The following AS3MT variants were observed in gnomAD, a reference collection of about 807,000 sequenced individuals.
AS3MT encodes S-adenosyl-L-methionine:arsenic(III) methyltransferase.
A neutral mutation model predicts 45.3 loss-of-function variants in AS3MT; 47 were observed. The ratio of observed to expected loss-of-function variants is 1.04; its 90% CI spans 0.82 to 1.32. The LOEUF (loss-of-function observed/expected upper bound fraction) is 1.32, where lower values mean the gene tolerates loss of function less well. AS3MT is among the 40% of genes most tolerant of loss of function. AS3MT has a pLI of 0.00. For synonymous variants in AS3MT, 141 were observed against 152.8 expected, an observed-to-expected ratio of 0.92 and a Z score of 0.57; for missense variants, 396 against 451.1, an observed-to-expected ratio of 0.88 and a Z score of 1.11.
chr10:102,888,711 A>G (rs1384598810), intron 9 of AS3MT, among the ~76,000 whole-genome samples: 2 of 149,702 alleles, frequency 1.3e-5, no homozygotes, highest in Non-Finnish European at 3.0e-5. Flanking sequence ...ATGAGCCACC[A>G]CACCTGGCCC....
chr10:102,890,021 C>A lies in AS3MT; in HGVS notation c.886-523C>A, dbSNP rs192839629. On this transcript the variant is annotated intron_variant, in intron 9 of 10. Coordinates refer to ENST00000369880, the MANE Select transcript of AS3MT (RefSeq NM_020682.4). The stretch of plus-strand genomic sequence containing the variant: ...TTTTTTTTTTTTTTTGAGACGGAGT[C>A]TCGCTCTGTTGCCCAGGCTGGAGTG... 3.2e-3 allele frequency among the ~76,000 whole-genome samples: 441 copies of A among 136,228 alleles called. 7 individuals carry two copies. Among genetic ancestry groups the A allele is most frequent in the Non-Finnish European group, 3.4e-3 (221 of 64,788 alleles). The allele number at this position is 136,228 out of a possible 152,430, so 89.4% of individuals were successfully genotyped here.
rs556312757 is a variant in AS3MT at position 102,877,790 on chromosome 10, T to C, written c.611-589T>C. 2.7e-5 allele frequency among the ~76,000 whole-genome samples: 4 copies of C among 146,588 alleles called. No homozygotes were observed. The South Asian group carries it at 8.8e-4, about 32-fold the overall frequency. On this transcript the variant is annotated intron_variant, in intron 7 of 10. Coordinates refer to ENST00000369880, the MANE Select transcript of AS3MT (RefSeq NM_020682.4). The stretch of plus-strand genomic sequence containing the variant: ...TTTTTTGAGATGGAGTCTCGCTCTG[T>C]CACCCAGGCTAGAGTGCAGTGGCGC...
rs1283609623 is a variant in AS3MT, at chr10:102,900,659, G to A, written c.1087G>A (p.Asp363Asn). 3 of 1,614,136 alleles carry A rather than the reference G, an allele frequency of 1.9e-6. No homozygotes were observed. Among genetic ancestry groups the A allele is most frequent in the Non-Finnish European group, 8.5e-7 (1 of 1,180,004 alleles). The change falls in exon 11 of 11, where the codon GAT (aspartate) becomes AAT (asparagine). Residue 363 changes from aspartate to asparagine, a missense_variant. Asp to Asn is a conservative substitution (Grantham distance 23). Coordinates refer to ENST00000369880, the MANE Select transcript of AS3MT (RefSeq NM_020682.4). ...CAGTATGAAGTCCAGATGTGTCCCTGATGCTGCTGGAGGCTGCTGTGGCAC... is the reference window on the plus strand; with the variant it reads ...CAGTATGAAGTCCAGATGTGTCCCTAATGCTGCTGGAGGCTGCTGTGGCAC... ...SDSMKSRCVP[D>N]AAGGCCGTKK... is the part of the protein sequence containing the mutation.
chr10:102,901,586 G>A lies in AS3MT; in HGVS notation c.*886G>A, dbSNP rs1394055906. ...TTTCTATTTCCTACTTCAAAGTTCT[G>A]GTGCCACATAGTGGTCAGAAATGGA... On this transcript the variant is annotated 3_prime_UTR_variant, in exon 11 of 11. Coordinates refer to ENST00000369880, the MANE Select transcript of AS3MT (RefSeq NM_020682.4). 6.6e-6 allele frequency: 1 copy of A among 152,084 alleles called. No homozygotes were observed. Among genetic ancestry groups the A allele is most frequent in the Non-Finnish European group, 1.5e-5 (1 of 68,036 alleles). The allele number at this position is 152,084 out of a possible 1,614,324, so 9.4% of individuals were successfully genotyped here. A position where few individuals can be genotyped will look rare whatever the true frequency, so the allele number is the denominator to read the frequency against.
chr10:102,877,559 C>CAAAAAAAAAAAAAAAAAAAA (rs199723619), intron 7 of AS3MT, among the ~76,000 whole-genome samples: 1 of 94,396 alleles, frequency 1.1e-5, no homozygotes, highest in African/African-American at 4.2e-5. Context: ...TGGAAAGTGC[C>CAAAAAAAAAAAAAAAAAAAA]AAAAAAAAAA....
chr10:102,872,623 G>C, intron 4 of AS3MT, 25 bp downstream of exon 4: 3 of 1,570,362 alleles, frequency 1.9e-6, no homozygotes, highest in Non-Finnish European at 2.6e-6. Context: ...GGAAGACAAG[G>C]AGAAAAAGAT....
intron 10 of AS3MT, among the ~76,000 whole-genome samples, chr10:102,893,592 T>G (rs1014508384): frequency 6.6e-6 from 1 of 151,364 alleles, no homozygotes; most frequent in Non-Finnish European, 1.5e-5. Context: ...GCCTCCCAAG[T>G]TCAAGCGATT....
chr10:102,876,322 C>T (rs902967688), intron 6 of AS3MT, among the ~76,000 whole-genome samples: 5 of 49,588 alleles, frequency 1.0e-4, no homozygotes, highest in African/African-American at 3.2e-4. Flanking sequence ...TATCTGTACC[C>T]CTCTAACTCC....
At chr10:102,895,098 A>G (rs973851202) in intron 10 of AS3MT, among the ~76,000 whole-genome samples, 12 of 152,152 alleles carry the variant, frequency 7.9e-5, no homozygotes, top group Admixed American at 1.3e-4. Context: ...AATGTTTAAC[A>G]TCCTACAGTT....
intron 10 of AS3MT, among the ~76,000 whole-genome samples, chr10:102,894,659 ACT>A (rs1321023591): frequency 1.3e-5 from 2 of 151,894 alleles, no homozygotes; most frequent in East Asian, 3.9e-4. Context: ...GATAGAACAG[ACT>A]CTTTAAATCT....
At chr10:102,882,480 T>G (rs72841270) in intron 9 of AS3MT, among the ~76,000 whole-genome samples, 24,418 of 151,946 alleles carry the variant, frequency 0.16, 2,029 homozygotes, top group East Asian at 0.28. Flanking sequence ...TATTCACAGG[T>G]GTAAGCATAG....
chr10:102,881,444 A>C lies in AS3MT; in HGVS notation c.885+2453A>C, dbSNP rs1844865866. ...TTTAGTAAGTTAGTAAAGGCGTGCT[A>C]CTCATTAGATGCTAATCTCATTTAC... On this transcript the variant is annotated intron_variant, in intron 9 of 10. Coordinates refer to ENST00000369880, the MANE Select transcript of AS3MT (RefSeq NM_020682.4). This position sits in a 1 kb window ranked among gnomAD's most constrained non-coding sequence, Gnocchi z 4.2. Among the ~76,000 whole-genome samples the C allele has an allele frequency of 6.6e-6, 1 of 152,212 alleles. No homozygotes were observed. Among genetic ancestry groups the C allele is most frequent in the African/African-American group, 2.4e-5 (1 of 41,450 alleles).
At chr10:102,883,976 A>C (rs61870812) in intron 9 of AS3MT, among the ~76,000 whole-genome samples, 19 of 133,636 alleles carry the variant, frequency 1.4e-4, no homozygotes, top group South Asian at 2.5e-4. Context: ...TTCTTTCTTT[A>C]TTTCTTTTTT....
rs1371326282 is a variant in AS3MT at position 102,889,993 on chromosome 10, T to G, written c.886-551T>G. 3.8e-5 allele frequency among the ~76,000 whole-genome samples: 5 copies of G among 132,260 alleles called. No homozygotes were observed. In the Admixed American group the frequency reaches 3.8e-4, roughly 10 times the overall value. 86.8% of individuals were successfully genotyped at this position (132,260 alleles called of 152,430 possible). A position where few individuals can be genotyped will look rare whatever the true frequency, so the allele number is the denominator to read the frequency against. ...GTACACAGCCAGTTTCATTTTCTTTTCTTTTTTTTTTTTTTTTGAGACGGA... is the reference window on the plus strand; with the variant it reads ...GTACACAGCCAGTTTCATTTTCTTTGCTTTTTTTTTTTTTTTTGAGACGGA... On this transcript the variant is annotated intron_variant, in intron 9 of 10. Coordinates refer to ENST00000369880, the MANE Select transcript of AS3MT (RefSeq NM_020682.4).
rs957921098 is a variant in AS3MT at position 102,891,302 on chromosome 10, G to A, written c.1020+624G>A. On this transcript the variant is annotated intron_variant, in intron 10 of 10. Coordinates refer to ENST00000369880, the MANE Select transcript of AS3MT (RefSeq NM_020682.4). Reference sequence around the variant, plus strand: ...GCCTGACATTCCTGGTGGAGTCGGCGCGGGGAGCCCTCTCCTGCCCTGCTC... The same window carrying A: ...GCCTGACATTCCTGGTGGAGTCGGCACGGGGAGCCCTCTCCTGCCCTGCTC... Among the ~76,000 whole-genome samples, 6 of 152,176 alleles carry A rather than the reference G, an allele frequency of 3.9e-5. No homozygotes were observed. In the South Asian group the frequency reaches 6.2e-4, roughly 16 times the overall value.
rs1466258556 is a variant in AS3MT at position 102,873,159 on chromosome 10, T to C, written c.384T>C (p.Asn128=). 6 of 1,610,412 alleles carry C rather than the reference T, an allele frequency of 3.7e-6. No individual in the cohort carries two copies. In the Admixed American group the frequency reaches 5.1e-5, roughly 14 times the overall value. ...HMEKYGFQAS[N]VTFIHGYIEK... is the part of the protein sequence containing the mutation. ...AAAAATATGGCTTCCAGGCATCTAA[T>C]GTGACTTTTATTCATGGCTACATTG... The change falls in exon 5 of 11, where the codon AAT becomes AAC. Residue 128 remains asparagine (N), a synonymous_variant. Transcript: ENST00000369880.
At chr10:102,890,834 C>T in intron 10 of AS3MT, 156 bp downstream of exon 10, 1 of 598,074 alleles carries the variant, frequency 1.7e-6, no homozygotes, top group South Asian at 2.7e-5. Context: ...GCCTCAGCCT[C>T]CCGATTAGCT....
intron 9 of AS3MT, among the ~76,000 whole-genome samples, chr10:102,890,063 C>T (rs1474253278): frequency 2.7e-5 from 4 of 149,630 alleles, no homozygotes; most frequent in Non-Finnish European, 4.4e-5. Context: ...TGCAGTGGCA[C>T]GATCTCGGCT....
At chr10:102,889,264 C>A (rs1261851667) in intron 9 of AS3MT, among the ~76,000 whole-genome samples, 1 of 152,082 alleles carries the variant, frequency 6.6e-6, no homozygotes, top group Non-Finnish European at 1.5e-5. Context: ...CCTTTGGTAA[C>A]TATCAATATA....
Sources: allele counts gnomAD v4.1 joint callset (sites outside exome capture counted in the v4.1 genomes callset), GRCh38; gene constraint gnomAD v4.1.1; non-coding constraint Gnocchi (gnomAD v3.1); transcripts MANE v1.5; gene names NCBI Gene and HGNC (gene_info 2026-07-23, HGNC 2026-07-21).